PHACTR1: variants seen among roughly 807,000 people sequenced by gnomAD.
PHACTR1 encodes phosphatase and actin regulator 1.
In PHACTR1, 16 loss-of-function variants were observed where a neutral mutation model predicts 69.2. The observed-to-expected ratio is 0.23, with a 90% CI of 0.16 to 0.35. The LOEUF (loss-of-function observed/expected upper bound fraction) is 0.35. Ranked by LOEUF, PHACTR1 falls within the 10% of genes least tolerant of loss-of-function variation. PHACTR1 has a pLI of 1.00. For missense variants in PHACTR1, 510 were observed against 734.7 expected, an observed-to-expected ratio of 0.69 and a Z score of 3.54; for synonymous variants, 312 against 284.5, an observed-to-expected ratio of 1.10 and a Z score of -0.97.
chr6:13,133,153 C>T (rs1184428698), intron 5 of PHACTR1, among the ~76,000 whole-genome samples: 2 of 151,050 alleles, frequency 1.3e-5, no homozygotes, highest in African/African-American at 2.4e-5. Context: ...TCCTAGATGG[C>T]ATCTTCCAAT....
chr6:12,729,705 A>G (rs1763245763), intron 3 of PHACTR1, among the ~76,000 whole-genome samples: 1 of 152,222 alleles, frequency 6.6e-6, no homozygotes, highest in Non-Finnish European at 1.5e-5. Flanking sequence ...GAGATCATTA[A>G]CATACAGGAC....
chr6:12,927,478 A>T (rs1354365952), intron 4 of PHACTR1, among the ~76,000 whole-genome samples: 1 of 152,244 alleles, frequency 6.6e-6, no homozygotes, highest in Admixed American at 6.5e-5. Flanking sequence ...AGTGCTTTGC[A>T]TGGATCATCT....
intron 4 of PHACTR1, among the ~76,000 whole-genome samples, chr6:12,930,723 A>G (rs2127527598): frequency 1.3e-5 from 2 of 152,296 alleles, no homozygotes; most frequent in African/African-American, 4.8e-5. Context: ...AATACCATGA[A>G]TCTAGACGTT....
chr6:13,031,002 C>T (rs1305870501), intron 4 of PHACTR1, among the ~76,000 whole-genome samples: 1 of 152,184 alleles, frequency 6.6e-6, no homozygotes, highest in African/African-American at 2.4e-5. Context: ...AGATGTCCCC[C>T]ACCCCACCCC....
At chr6:12,820,328 A>C (rs1389776706) in intron 4 of PHACTR1, among the ~76,000 whole-genome samples, 3 of 151,990 alleles carry the variant, frequency 2.0e-5, no homozygotes, top group Admixed American at 6.6e-5. Context: ...CTACAGGCGC[A>C]TGCCACCACG....
At chr6:12,760,671 G>A (rs958651009) in intron 4 of PHACTR1, among the ~76,000 whole-genome samples, 3 of 152,154 alleles carry the variant, frequency 2.0e-5, no homozygotes, top group Non-Finnish European at 2.9e-5. Flanking sequence ...GGTGGCTCAC[G>A]CCTATAATCC....
chr6:13,249,257 C>T (rs921744115), intron 10 of PHACTR1, among the ~76,000 whole-genome samples: 2 of 152,088 alleles, frequency 1.3e-5, no homozygotes, highest in Non-Finnish European at 2.9e-5. Context: ...GCATTAGATT[C>T]TCAGAACTGT....
intron 4 of PHACTR1, among the ~76,000 whole-genome samples, chr6:13,034,772 C>T (rs1803049328): frequency 6.6e-6 from 1 of 152,138 alleles, no homozygotes; most frequent in Non-Finnish European, 1.5e-5. Context: ...GTAGATGCAA[C>T]TAATTTTTAT....
chr6:13,020,902 A>G (rs1444907711), intron 4 of PHACTR1, among the ~76,000 whole-genome samples: 3 of 152,192 alleles, frequency 2.0e-5, no homozygotes, highest in Admixed American at 6.5e-5. Flanking sequence ...GGAGATGGAC[A>G]GAGGCCACAT....
intron 4 of PHACTR1, among the ~76,000 whole-genome samples, chr6:12,970,089 G>A (rs189439608): frequency 3.2e-4 from 49 of 152,314 alleles, no homozygotes; most frequent in East Asian, 2.9e-3. Context: ...TTTTAACTGC[G>A]TCCTGATGGA....
At chr6:13,038,774 T>A (rs1423085250) in intron 4 of PHACTR1, among the ~76,000 whole-genome samples, 3 of 152,152 alleles carry the variant, frequency 2.0e-5, no homozygotes, top group Admixed American at 6.5e-5. Context: ...AGGCGGTCAG[T>A]TTAAGGCTGC....
chr6:13,029,433 C>T (rs1017963313), intron 4 of PHACTR1, among the ~76,000 whole-genome samples: 5 of 152,092 alleles, frequency 3.3e-5, no homozygotes, highest in African/African-American at 7.2e-5. Context: ...TGGGGCTGAG[C>T]AAGCTATAGT....
intron 10 of PHACTR1, among the ~76,000 whole-genome samples, chr6:13,260,678 A>G (rs1223756511): frequency 2.6e-5 from 4 of 152,168 alleles, no homozygotes; most frequent in South Asian, 4.1e-4. Context: ...GGTGACTGGC[A>G]TGCATCATAC....
At chr6:12,840,589 A>G (rs1425882690) in intron 4 of PHACTR1, among the ~76,000 whole-genome samples, 2 of 152,204 alleles carry the variant, frequency 1.3e-5, no homozygotes, top group Non-Finnish European at 2.9e-5. Context: ...AGCAACAGCA[A>G]TGTATCACAG....
chr6:13,188,812 T>C (rs138473256), intron 7 of PHACTR1, among the ~76,000 whole-genome samples: 34 of 152,360 alleles, frequency 2.2e-4, no homozygotes, highest in African/African-American at 6.7e-4. Flanking sequence ...TGCAACAGCA[T>C]GCGATACAGG....
intron 5 of PHACTR1, among the ~76,000 whole-genome samples, chr6:13,111,684 A>G (rs1206465888): frequency 6.6e-6 from 1 of 152,214 alleles, no homozygotes; most frequent in Non-Finnish European, 1.5e-5. Flanking sequence ...ATATAGGTAT[A>G]TAGTTAAATC....
At chr6:12,859,583 G>A (rs1780737736) in intron 4 of PHACTR1, among the ~76,000 whole-genome samples, 1 of 152,186 alleles carries the variant, frequency 6.6e-6, no homozygotes, top group Non-Finnish European at 1.5e-5. Flanking sequence ...AGAAAAGGTA[G>A]CAGTTGAGGA....
At chr6:12,893,734 T>A (rs2127471892) in intron 4 of PHACTR1, among the ~76,000 whole-genome samples, 1 of 152,346 alleles carries the variant, frequency 6.6e-6, no homozygotes, top group East Asian at 1.9e-4. Flanking sequence ...TCTTCCAGCA[T>A]GACTGCAGAT....
intron 3 of PHACTR1, among the ~76,000 whole-genome samples, chr6:12,723,833 G>A (rs1290804224): frequency 6.6e-6 from 1 of 152,132 alleles, no homozygotes; most frequent in African/African-American, 2.4e-5. Context: ...CAGAATCTCT[G>A]GGGATAAGCC....
Sources: gnomAD v4.1 joint callset for allele counts (sites outside exome capture counted in the v4.1 genomes callset) on GRCh38, gnomAD v4.1.1 for gene constraint, MANE v1.5 for transcripts, NCBI Gene and HGNC (gene_info 2026-07-23, HGNC 2026-07-21) for gene names.